The following SOX6 variants were observed in gnomAD, a reference collection of about 807,000 sequenced individuals.
SOX6 encodes the protein transcription factor SOX-6.
Under a neutral mutation model 97.8 loss-of-function variants are expected in SOX6, and 11 were observed. The observed-to-expected ratio is 0.11, with a 90% CI of 0.07 to 0.19. SOX6 has a LOEUF of 0.19. SOX6 is among the 10% of genes least tolerant of loss of function. The pLI is 1.00. For missense variants in SOX6, 810 were observed against 1,039.5 expected (o/e 0.78, Z 3.04); for synonymous variants, 360 against 371.4 (o/e 0.97, Z 0.35).
intron 4 of SOX6, among the ~76,000 whole-genome samples, chr11:16,517,899 A>G: frequency 6.6e-6 from 1 of 152,172 alleles, no homozygotes; most frequent in Non-Finnish European, 1.5e-5. Flanking sequence ...CTCAAATTTA[A>G]CTACTTTCTA....
chr11:16,722,426 C>T (rs1440744248), intron 2 of SOX6, among the ~76,000 whole-genome samples: 2 of 152,166 alleles, frequency 1.3e-5, no homozygotes, highest in African/African-American at 2.4e-5. Context: ...CCGAGGCAGG[C>T]GGATCATTTG....
intron 1 of SOX6, among the ~76,000 whole-genome samples, chr11:16,342,442 C>A (rs1422874781): frequency 6.6e-6 from 1 of 151,782 alleles, no homozygotes; most frequent in Non-Finnish European, 1.5e-5. Flanking sequence ...TTAAAAAATG[C>A]ACAAATCAGT....
chr11:16,372,897 C>T (rs1294122978), intron 1 of SOX6, among the ~76,000 whole-genome samples: 1 of 152,052 alleles, frequency 6.6e-6, no homozygotes, highest in African/African-American at 2.4e-5. Flanking sequence ...CTGCCCATCA[C>T]TAGGAAGATT....
chr11:16,522,472 T>C (rs1000255857), intron 4 of SOX6, among the ~76,000 whole-genome samples: 7 of 151,940 alleles, frequency 4.6e-5, no homozygotes, highest in Admixed American at 4.6e-4. Flanking sequence ...AAAGAGCTCC[T>C]GAAGGAAGCA....
intron 6 of SOX6, among the ~76,000 whole-genome samples, chr11:16,163,297 A>G (rs1385043058): frequency 2.0e-5 from 3 of 152,172 alleles, no homozygotes; most frequent in Non-Finnish European, 4.4e-5. Flanking sequence ...TTGGTCTGAA[A>G]AAAGTTGAAA....
chr11:16,222,905 T>G (rs1852584047), intron 4 of SOX6, among the ~76,000 whole-genome samples: 1 of 152,154 alleles, frequency 6.6e-6, no homozygotes, highest in Non-Finnish European at 1.5e-5. Context: ...TATTCAGTCT[T>G]TTTTAAAATA....
chr11:16,354,160 T>C (rs969293538), intron 1 of SOX6, among the ~76,000 whole-genome samples: 1 of 151,970 alleles, frequency 6.6e-6, no homozygotes, highest in African/African-American at 2.4e-5. Context: ...TGAGTCTCTA[T>C]GTACCCATCT....
chr11:16,477,460 A>G (rs1213790075), upstream of SOX6, among the ~76,000 whole-genome samples: 1 of 152,222 alleles, frequency 6.6e-6, no homozygotes, highest in South Asian at 2.1e-4. Flanking sequence ...AATTAAGATG[A>G]ATATGAAATA....
chr11:16,695,840 A>AC (rs1431594834), intron 3 of SOX6, among the ~76,000 whole-genome samples: 20 of 151,822 alleles, frequency 1.3e-4, no homozygotes, highest in Non-Finnish European at 2.2e-4. Context: ...AGAAAAAAAA[A>AC]AACACACACA....
At chr11:16,713,940 T>G (rs1020267031) in intron 3 of SOX6, among the ~76,000 whole-genome samples, 2 of 152,174 alleles carry the variant, frequency 1.3e-5, no homozygotes, top group Non-Finnish European at 2.9e-5. Context: ...GTGTCCATAC[T>G]CACGATTCTG....
rs976640718 is a variant in SOX6, at chr11:16,137,044, G to T, written c.778-25121C>A. Reference sequence around the variant, plus strand: ...CAAATACTTAAAATAAATAATATGTGCCTTGGAAGATAAAAATAATTTTTG... The same window carrying T: ...CAAATACTTAAAATAAATAATATGTTCCTTGGAAGATAAAAATAATTTTTG... On this transcript the variant is annotated intron_variant, in intron 6 of 15. Coordinates refer to ENST00000683767, the MANE Select transcript of SOX6 (RefSeq NM_001367873.1). 2.0e-5 allele frequency among the ~76,000 whole-genome samples: 3 copies of T among 152,170 alleles called. No individual in the cohort carries two copies. In the East Asian group the frequency reaches 5.8e-4, roughly 29 times the overall value.
chr11:16,048,670 G>A (rs573517511), intron 11 of SOX6, among the ~76,000 whole-genome samples: 1 of 152,226 alleles, frequency 6.6e-6, no homozygotes, highest in South Asian at 2.1e-4. Flanking sequence ...TTTTTAAGCT[G>A]TTAATGGCTA....
intron 1 of SOX6, among the ~76,000 whole-genome samples, chr11:16,349,272 C>G (rs1325744895): frequency 1.3e-5 from 2 of 152,094 alleles, no homozygotes; most frequent in Non-Finnish European, 2.9e-5. Context: ...TCCAAATACT[C>G]TAAATATAGG....
intron 1 of SOX6, among the ~76,000 whole-genome samples, chr11:16,378,939 T>G (rs147374748): frequency 2.6e-5 from 4 of 152,136 alleles, no homozygotes; most frequent in African/African-American, 9.6e-5. Context: ...ATTCTAAATA[T>G]TTTTTATATA....
At chr11:16,320,675 T>C (rs1855893642) in intron 2 of SOX6, among the ~76,000 whole-genome samples, 1 of 152,098 alleles carries the variant, frequency 6.6e-6, no homozygotes, top group African/African-American at 2.4e-5. Context: ...GTAAAAAATG[T>C]TCATGAGTCT....
At chr11:16,522,519 C>A (rs1461954805) in intron 4 of SOX6, among the ~76,000 whole-genome samples, 1 of 152,010 alleles carries the variant, frequency 6.6e-6, no homozygotes, top group Non-Finnish European at 1.5e-5. Flanking sequence ...CCAGCCACTG[C>A]AAAATCATGC....
At chr11:16,498,273 C>T (rs995840787) in intron 4 of SOX6, among the ~76,000 whole-genome samples, 18 of 152,150 alleles carry the variant, frequency 1.2e-4, no homozygotes, top group Non-Finnish European at 2.1e-4. Context: ...GATTTTGTCA[C>T]CACCAGGCCT....
chr11:16,104,466 G>A (rs575122996), intron 7 of SOX6, among the ~76,000 whole-genome samples: 1 of 148,530 alleles, frequency 6.7e-6, no homozygotes, highest in Admixed American at 6.6e-5. Context: ...ATTTCAAGAT[G>A]TGGAACTCTT....
At chr11:16,048,871 A>G (rs962971143) in intron 11 of SOX6, among the ~76,000 whole-genome samples, 5 of 152,244 alleles carry the variant, frequency 3.3e-5, no homozygotes, top group African/African-American at 7.2e-5. Context: ...AACAAAGAGT[A>G]TAGTAACAAT....
Sources: gnomAD v4.1 joint callset for allele counts (sites outside exome capture counted in the v4.1 genomes callset) on GRCh38, gnomAD v4.1.1 for gene constraint, MANE v1.5 for transcripts, NCBI Gene and HGNC (gene_info 2026-07-23, HGNC 2026-07-21) for gene names.